Variants in PID1 observed in about 807,000 individuals in gnomAD.
The protein encoded by PID1 is PTB-containing, cubilin and LRP1-interacting protein.
PID1 carries 10 observed loss-of-function variants against 19.1 expected under a neutral mutation model. That is an observed-to-expected ratio of 0.52 (90% CI 0.32 to 0.89). The LOEUF (loss-of-function observed/expected upper bound fraction) is 0.89. Ranked by LOEUF, PID1 falls within the 40% of genes least tolerant of loss-of-function variation. The pLI is 0.03. For synonymous variants in PID1, 130 were observed against 116.0 expected, an observed-to-expected ratio of 1.12 and a Z score of -0.78; for missense variants, 248 against 285.3, an observed-to-expected ratio of 0.87 and a Z score of 0.94.
chr2:229,101,527 TCTAA>T (rs780681563), intron 2 of PID1, among the ~76,000 whole-genome samples: 1 of 152,194 alleles, frequency 6.6e-6, no homozygotes, highest in Non-Finnish European at 1.5e-5. Flanking sequence ...GTATATTCAC[TCTAA>T]CTATGGGCCA....
At chr2:229,220,721 C>T (rs1691949870) in intron 1 of PID1, among the ~76,000 whole-genome samples, 1 of 152,178 alleles carries the variant, frequency 6.6e-6, no homozygotes, top group Non-Finnish European at 1.5e-5. Context: ...CACTCCACCT[C>T]CGCATTAATG....
chr2:229,149,088 T>C (rs1690194569), intron 2 of PID1, among the ~76,000 whole-genome samples: 1 of 151,128 alleles, frequency 6.6e-6, no homozygotes, highest in African/African-American at 2.4e-5. Flanking sequence ...GAATATTATT[T>C]GTATTCTGTC....
At chr2:229,152,414 C>G (rs1249116260) in intron 2 of PID1, among the ~76,000 whole-genome samples, 1 of 152,148 alleles carries the variant, frequency 6.6e-6, no homozygotes, top group Non-Finnish European at 1.5e-5. Flanking sequence ...CCCCACAATA[C>G]CTATTTTTAT....
intron 2 of PID1, among the ~76,000 whole-genome samples, chr2:229,145,155 G>GTATATATATATATATATA: frequency 8.3e-6 from 1 of 119,940 alleles, no homozygotes; most frequent in East Asian, 2.4e-4. Context: ...ATATGTATGT[G>GTATATATATATATATATA]TATATATATA....
intron 2 of PID1, among the ~76,000 whole-genome samples, chr2:229,039,635 T>A (rs565586633): frequency 4.0e-4 from 61 of 152,354 alleles, no homozygotes; most frequent in African/African-American, 1.4e-3. Context: ...AACTGACGGA[T>A]TCTTATTTAA....
intron 1 of PID1, among the ~76,000 whole-genome samples, chr2:229,201,122 A>C (rs1691490637): frequency 6.6e-6 from 1 of 152,110 alleles, no homozygotes; most frequent in Non-Finnish European, 1.5e-5. Flanking sequence ...ATGGTAAAAT[A>C]CAAATAACTT....
At chr2:229,097,011 G>A (rs1316719018) in intron 2 of PID1, among the ~76,000 whole-genome samples, 1 of 152,130 alleles carries the variant, frequency 6.6e-6, no homozygotes, top group Non-Finnish European at 1.5e-5. Context: ...ATGTCACCCT[G>A]AGTTTGATTA....
intron 2 of PID1, among the ~76,000 whole-genome samples, chr2:229,109,291 C>T (rs1415025622): frequency 6.6e-6 from 1 of 152,100 alleles, no homozygotes; most frequent in African/African-American, 2.4e-5. Flanking sequence ...GCTCTTCGGG[C>T]TGCAGAAACC....
chr2:229,108,646 T>C (rs1695226519), intron 2 of PID1, among the ~76,000 whole-genome samples: 1 of 151,832 alleles, frequency 6.6e-6, no homozygotes, highest in South Asian at 2.1e-4. Flanking sequence ...ACAACACAAG[T>C]AAAGGCACAG....
At chr2:229,230,251 A>G (rs1692175321) in intron 1 of PID1, among the ~76,000 whole-genome samples, 1 of 152,222 alleles carries the variant, frequency 6.6e-6, no homozygotes, top group South Asian at 2.1e-4. Flanking sequence ...TTTGGTGCCA[A>G]AAGCAGATAC....
intron 2 of PID1, among the ~76,000 whole-genome samples, chr2:229,079,189 G>A (rs1694622607): frequency 6.6e-6 from 1 of 152,134 alleles, no homozygotes; most frequent in African/African-American, 2.4e-5. Context: ...ATGAGTATCG[G>A]TCTAAGTCGG....
chr2:229,073,116 C>T (rs1694490082), intron 2 of PID1, among the ~76,000 whole-genome samples: 1 of 152,204 alleles, frequency 6.6e-6, no homozygotes, highest in South Asian at 2.1e-4. Flanking sequence ...AGCTCCGTCT[C>T]TCAGGTTCAC....
chr2:229,169,593 AT>A (rs111917466), intron 1 of PID1, among the ~76,000 whole-genome samples: 3 of 152,188 alleles, frequency 2.0e-5, no homozygotes, highest in African/African-American at 7.2e-5. Flanking sequence ...AGGCATTAGC[AT>A]TACTTATCAT....
At chr2:229,116,355 G>T (rs1695411372) in intron 2 of PID1, among the ~76,000 whole-genome samples, 1 of 152,152 alleles carries the variant, frequency 6.6e-6, no homozygotes, top group Admixed American at 6.5e-5. Flanking sequence ...CTTGAGGTTG[G>T]GTTACCCATG....
chr2:229,121,525 A>G (rs991768210), intron 2 of PID1, among the ~76,000 whole-genome samples: 1 of 152,182 alleles, frequency 6.6e-6, no homozygotes, highest in African/African-American at 2.4e-5. Context: ...TAATCAGAAA[A>G]GGGAGTTGGA....
intron 1 of PID1, chr2:229,232,048 T>C (rs1411748093): frequency 3.9e-6 from 6 of 1,542,754 alleles, no homozygotes; most frequent in Non-Finnish European, 5.2e-6. Context: ...AGGGGCAGGC[T>C]GAACATGGCA....
chr2:229,078,125 T>C (rs1242211865), intron 2 of PID1, among the ~76,000 whole-genome samples: 1 of 152,210 alleles, frequency 6.6e-6, no homozygotes, highest in Non-Finnish European at 1.5e-5. Context: ...ACATCCCTTG[T>C]AAGTTGTATT....
intron 1 of PID1, among the ~76,000 whole-genome samples, chr2:229,159,167 T>G (rs1042716960): frequency 6.6e-6 from 1 of 152,198 alleles, no homozygotes. Flanking sequence ...TATTGTGCGT[T>G]GCATGCCTGA....
At chr2:229,138,810 T>C (rs952320081) in intron 2 of PID1, among the ~76,000 whole-genome samples, 2 of 148,042 alleles carry the variant, frequency 1.4e-5, no homozygotes, top group African/African-American at 2.5e-5. Flanking sequence ...ACCCATCAAA[T>C]CAAAGAACCA....
Sources: allele counts gnomAD v4.1 joint callset (sites outside exome capture counted in the v4.1 genomes callset), GRCh38; gene constraint gnomAD v4.1.1; transcripts MANE v1.5; gene names NCBI Gene and HGNC (gene_info 2026-07-23, HGNC 2026-07-21).